Variants in DYM observed in about 807,000 individuals in gnomAD.
DYM encodes the protein dyggve-Melchior-Clausen syndrome protein.
Under a neutral mutation model 93.1 loss-of-function variants are expected in DYM, and 78 were observed. The observed-to-expected ratio is 0.84, with a 90% CI of 0.70 to 1.01. The LOEUF is 1.01. Among genes scored for constraint, DYM ranks in the 50% least tolerant of loss-of-function variants. The pLI is 0.00. For missense variants in DYM, 789 were observed against 845.0 expected, an observed-to-expected ratio of 0.93 and a Z score of 0.82; for synonymous variants, 321 against 319.7, an observed-to-expected ratio of 1.00 and a Z score of -0.04.
rs554307504 is a variant in DYM, at chr18:49,100,399, C to T, written c.1912-2884G>A. On this transcript the variant is annotated intron_variant, in intron 16 of 17. Transcript: ENST00000675505. ...GGAGTGTACTTATGTGTCACACCACCAAGAACAAAGTAATGCAATGACAGT... is the reference window on the plus strand; with the variant it reads ...GGAGTGTACTTATGTGTCACACCACTAAGAACAAAGTAATGCAATGACAGT... Among the ~76,000 whole-genome samples the T allele has an allele frequency of 1.0e-3, 153 of 152,214 alleles. 1 individual carries two copies. The Middle Eastern group carries it at 0.014, about 14-fold the overall frequency.
intron 2 of DYM, among the ~76,000 whole-genome samples, chr18:49,404,157 G>T (rs1010315673): frequency 7.9e-5 from 12 of 152,050 alleles, no homozygotes; most frequent in African/African-American, 2.9e-4. Flanking sequence ...ACAGGTGTAT[G>T]CCACCACACC....
intron 15 of DYM, among the ~76,000 whole-genome samples, chr18:49,138,748 T>G (rs1396050685): frequency 1.3e-5 from 2 of 152,092 alleles, no homozygotes; most frequent in Non-Finnish European, 1.5e-5. Flanking sequence ...AACTGAAAAT[T>G]GTGAAAAATG....
intron 13 of DYM, among the ~76,000 whole-genome samples, chr18:49,215,505 C>T (rs1448002878): frequency 6.6e-6 from 1 of 152,150 alleles, no homozygotes; most frequent in African/African-American, 2.4e-5. Flanking sequence ...CCATCCAGAT[C>T]CAGGATAAAC....
chr18:49,071,282 A>G (rs1399444140), intron 17 of DYM, among the ~76,000 whole-genome samples: 1 of 152,270 alleles, frequency 6.6e-6, no homozygotes, highest in Non-Finnish European at 1.5e-5. Flanking sequence ...GCATGTTTAA[A>G]TGAAAGACTA....
chr18:49,054,883 A>G (rs1470515255), intron 17 of DYM, among the ~76,000 whole-genome samples: 3 of 152,176 alleles, frequency 2.0e-5, no homozygotes, highest in Non-Finnish European at 4.4e-5. Context: ...GGAGGATATA[A>G]AGTGGAGCCC....
rs2145711134 is a variant in DYM at position 49,280,521 on chromosome 18, C to G, written c.1125+1476G>C. Among the ~76,000 whole-genome samples, 3 of 152,268 alleles carry G rather than the reference C, an allele frequency of 2.0e-5. No homozygotes were observed. In the South Asian group the frequency reaches 6.2e-4, roughly 32 times the overall value. ...GCAGCGACCGAGATGATTTAAAAAT[C>G]TCCTTGAGATTTTTGGAAGACCTGA... is the stretch of plus-strand genomic sequence containing the variant. On this transcript the variant is annotated intron_variant, in intron 10 of 17. Coordinates refer to ENST00000675505, the MANE Select transcript of DYM (RefSeq NM_001353214.3).
At chr18:49,181,433 T>TC (rs1463243197) in intron 14 of DYM, among the ~76,000 whole-genome samples, 13 of 152,024 alleles carry the variant, frequency 8.6e-5, no homozygotes, top group Non-Finnish European at 1.9e-4. Flanking sequence ...TTGTCCAGAG[T>TC]CCCCACAATA....
chr18:49,202,956 G>C (rs1290304718), intron 14 of DYM, among the ~76,000 whole-genome samples: 1 of 126,832 alleles, frequency 7.9e-6, no homozygotes, highest in East Asian at 2.6e-4. Context: ...GGGAGGTGAG[G>C]GGTCAGCCCC....
intron 1 of DYM, among the ~76,000 whole-genome samples, chr18:49,456,473 G>A (rs78303200): frequency 0.011 from 1,685 of 152,158 alleles, 32 homozygotes; most frequent in African/African-American, 0.039. Context: ...ATTTGTCATC[G>A]ATCATATGAT....
intron 16 of DYM, among the ~76,000 whole-genome samples, chr18:49,108,298 G>A (rs538717787): frequency 1.9e-3 from 283 of 152,326 alleles, no homozygotes; most frequent in African/African-American, 5.3e-3. Context: ...TCCAGGTGCC[G>A]TCTGTCACCC....
intron 14 of DYM, among the ~76,000 whole-genome samples, chr18:49,180,221 G>A (rs1330960467): frequency 6.6e-6 from 1 of 151,988 alleles, no homozygotes; most frequent in East Asian, 1.9e-4. Flanking sequence ...TTCTTGATAA[G>A]AGATATAAAT....
At position 49,270,036 on chromosome 18, in the gene DYM, A is replaced by G. The variant is rs116231828; in HGVS notation, c.1251+2142T>C. 2.3e-3 allele frequency among the ~76,000 whole-genome samples: 348 copies of G among 152,316 alleles called. 2 individuals are homozygous for G. The highest frequency in any genetic ancestry group is 7.6e-3 in the African/African-American group (317 of 41,574). The stretch of plus-strand genomic sequence containing the variant: ...AACAAATACTTACCATTGTGTTACA[A>G]CTGCTTACAGTATACAGTAACAACG... On this transcript the variant is annotated intron_variant, in intron 11 of 17. Coordinates refer to ENST00000675505, the MANE Select transcript of DYM (RefSeq NM_001353214.3).
chr18:49,096,435 A>C (rs2079552080), intron 17 of DYM, among the ~76,000 whole-genome samples: 1 of 152,250 alleles, frequency 6.6e-6, no homozygotes, highest in Non-Finnish European at 1.5e-5. Flanking sequence ...GCTGAAAAAC[A>C]TAGCCCCCAA....
chr18:49,156,454 A>G (rs569319903), intron 15 of DYM, among the ~76,000 whole-genome samples: 1 of 151,948 alleles, frequency 6.6e-6, no homozygotes, highest in African/African-American at 2.4e-5. Context: ...AAAAATGGCC[A>G]GGCGTGGTGG....
chr18:49,104,445 C>G (rs898334045), intron 16 of DYM, among the ~76,000 whole-genome samples: 1 of 152,128 alleles, frequency 6.6e-6, no homozygotes, highest in Non-Finnish European at 1.5e-5. Context: ...ACTTCCAATA[C>G]TATGTTGAAT....
At chr18:49,101,638 C>A (rs900830613) in intron 16 of DYM, among the ~76,000 whole-genome samples, 1 of 152,066 alleles carries the variant, frequency 6.6e-6, no homozygotes, top group Non-Finnish European at 1.5e-5. Flanking sequence ...AAGTAGACAG[C>A]TAAGTTTTAT....
intron 17 of DYM, among the ~76,000 whole-genome samples, chr18:49,062,616 T>C (rs752064201): frequency 6.6e-6 from 1 of 152,224 alleles, no homozygotes; most frequent in Non-Finnish European, 1.5e-5. Context: ...CTGACTGCCA[T>C]GCACAGAACA....
chr18:49,080,750 C>T lies in DYM; in HGVS notation c.2025+16652G>A, dbSNP rs1207921323. On this transcript the variant is annotated intron_variant, in intron 17 of 17. Transcript: ENST00000675505. ...GGGGCTCCTCACTTCTCAGACGGGG[C>T]AGCTCCGGGCGGAGGGGCTCCTCAC... Among the ~76,000 whole-genome samples, 87 of 128,858 alleles carry T rather than the reference C, an allele frequency of 6.8e-4. 1 individual carries two copies. The East Asian group carries it at 0.018, about 27-fold the overall frequency. 84.5% of individuals were successfully genotyped at this position (128,858 alleles called of 152,430 possible).
intron 8 of DYM, among the ~76,000 whole-genome samples, chr18:49,292,375 C>G (rs1426724980): frequency 6.6e-6 from 1 of 150,418 alleles, no homozygotes; most frequent in Non-Finnish European, 1.5e-5. Flanking sequence ...CACACACACA[C>G]ACACACACAC....
Sources: gnomAD v4.1 joint callset for allele counts (sites outside exome capture counted in the v4.1 genomes callset) on GRCh38, gnomAD v4.1.1 for gene constraint, MANE v1.5 for transcripts, NCBI Gene and HGNC (gene_info 2026-07-23, HGNC 2026-07-21) for gene names.